Variants in SLC3A2 observed in about 807,000 individuals in gnomAD.
SLC3A2 encodes the protein solute carrier family 3 member 2.
SLC3A2 carries 32 observed loss-of-function variants against 48.5 expected under a neutral mutation model. The observed-to-expected ratio is 0.66, with a 90% CI of 0.50 to 0.89. The LOEUF is 0.89. Among genes scored for constraint, SLC3A2 ranks in the 40% least tolerant of loss-of-function variants. The pLI is 0.00. For synonymous variants in SLC3A2, 277 were observed against 288.8 expected (o/e 0.96, Z 0.41); for missense variants, 587 against 680.7 (o/e 0.86, Z 1.53).
At chr11:62,885,636 G>T in intron 7 of SLC3A2, 28 bp downstream of exon 7, 1 of 1,612,702 alleles carries the variant, frequency 6.2e-7, no homozygotes, top group South Asian at 1.1e-5. Context: ...TCTGTCACAG[G>T]GAGGTTGTTT....
intron 1 of SLC3A2, among the ~76,000 whole-genome samples, chr11:62,869,506 A>G (rs1273084628): frequency 7.6e-6 from 1 of 131,520 alleles, no homozygotes; most frequent in Non-Finnish European, 1.6e-5. Context: ...CCTGGGTGAT[A>G]GAGCGAGACT....
chr11:62,861,816 G>A lies in SLC3A2; in HGVS notation c.112+5435G>A, dbSNP rs537667076. The stretch of plus-strand genomic sequence containing the variant: ...TGTAATTCGAGCTACTCAGGAGGCT[G>A]AGGCAGGAGAGTCGCTTGAGAAAGG... On this transcript the variant is annotated intron_variant, in intron 1 of 9. Transcript: ENST00000377889. 9.9e-5 allele frequency among the ~76,000 whole-genome samples: 15 copies of A among 151,668 alleles called. No homozygotes were observed. The South Asian group carries it at 2.7e-3, about 27-fold the overall frequency.
At chr11:62,864,707 C>G (rs1307822152) in intron 1 of SLC3A2, among the ~76,000 whole-genome samples, 2 of 151,912 alleles carry the variant, frequency 1.3e-5, no homozygotes, top group Non-Finnish European at 2.9e-5. Context: ...ACCTCGTGAT[C>G]CGCCCGCCTC....
rs1282406805 is a variant in SLC3A2 at position 62,885,369 on chromosome 11, G to A, written c.999+12G>A. On this transcript the variant is annotated intron_variant, in intron 6 of 8. Coordinates refer to ENST00000338663, the MANE Select transcript of SLC3A2 (RefSeq NM_001013251.3). ...GGTGCAGCTGGAGTGTGAGTACCAT[G>A]CTGGTGGGAAAGGGGGCAGATGGGA... is the stretch of plus-strand genomic sequence containing the variant. 2 of 1,614,156 alleles carry A rather than the reference G, an allele frequency of 1.2e-6. No individual in the cohort carries two copies. The highest frequency in any genetic ancestry group is 2.2e-5 in the South Asian group (2 of 91,082).
chr11:62,856,168 C>G, exon 1 of SLC3A2: 1 of 915,032 alleles, frequency 1.1e-6, no homozygotes, highest in Non-Finnish European at 1.6e-6. Flanking sequence ...ATCACTGCCT[C>G]ACGGCGATCC....
rs2135010784 is a variant in SLC3A2 at position 62,882,057 on chromosome 11, A to G, written c.589A>G (p.Lys197Glu). 3.1e-6 allele frequency: 5 copies of G among 1,612,074 alleles called. No homozygotes were observed. The highest frequency in any genetic ancestry group is 4.2e-6 in the Non-Finnish European group (5 of 1,178,618). The change falls in exon 2 of 9, where the codon AAA (lysine) becomes GAA (glutamate). Residue 197 changes from lysine (K) to glutamate (E), a missense_variant. Transcript: ENST00000338663. ...EDFDSLLQSA[K>E]KKSIRVILDL... Reference sequence around the variant, plus strand: ...TTTTGACAGTCTCTTGCAATCGGCTAAAAAAAAGAGTGGGTATCCTGGGGT... The same window carrying G: ...TTTTGACAGTCTCTTGCAATCGGCTGAAAAAAAGAGTGGGTATCCTGGGGT...
chr11:62,856,827 CTT>C lies in SLC3A2; in HGVS notation c.112+460_112+461del, dbSNP rs11337244. Among the ~76,000 whole-genome samples, 830 of 125,966 alleles carry C rather than the reference CTT, an allele frequency of 6.6e-3. 4 individuals are homozygous for C. The highest frequency in any genetic ancestry group is 0.011 in the African/African-American group (379 of 34,328). The allele number at this position is 125,966 out of a possible 152,430, so 82.6% of individuals were successfully genotyped here. On this transcript the variant is annotated intron_variant, in intron 1 of 9. Coordinates refer to the SLC3A2 transcript ENST00000377889. ...ACACTTTATAAACATTTTTTTCTTT[CTT>C]TTTTTTTTTTTTTGAGACGGAGTTT... is the stretch of plus-strand genomic sequence containing the variant.
intron 7 of SLC3A2, among the ~76,000 whole-genome samples, chr11:62,887,098 TTC>T (rs1459805767): frequency 6.6e-6 from 1 of 152,098 alleles, no homozygotes; most frequent in African/African-American, 2.4e-5. Context: ...ATAGAATAAT[TTC>T]TGTCTGTTAC....
upstream of SLC3A2, among the ~76,000 whole-genome samples, chr11:62,879,310 T>G (rs926972762): frequency 3.3e-5 from 5 of 152,222 alleles, no homozygotes; most frequent in Non-Finnish European, 7.3e-5. Flanking sequence ...TCTCACTATG[T>G]TGCCCCGTCT....
chr11:62,867,138 G>A (rs907951950), intron 1 of SLC3A2, among the ~76,000 whole-genome samples: 22 of 151,410 alleles, frequency 1.5e-4, no homozygotes, highest in African/African-American at 4.9e-4. Flanking sequence ...TTACAGGCAT[G>A]CGCTACCACG....
In SLC3A2 at chr11:62,882,957, G is replaced by A. The variant is rs555443344; in HGVS notation, c.648G>A (p.Ser216=). Residue 216 remains serine, a synonymous_variant, in exon 3 of 9, where the codon TCG becomes TCA. Transcript: ENST00000338663. ...CTCCCAACTACCGGGGTGAGAACTC[G>A]TGGTTCTCCACTCAGGTTGACACTG... ...DLTPNYRGEN[S]WFSTQVDTVA... is the part of the protein sequence containing the mutation. 68 of 1,614,198 alleles carry A rather than the reference G, an allele frequency of 4.2e-5. No individual in the cohort carries two copies. The highest frequency in any genetic ancestry group is 3.2e-4 in the South Asian group (29 of 91,086).
At chr11:62,866,112 T>C (rs1409633918) in intron 1 of SLC3A2, among the ~76,000 whole-genome samples, 2 of 151,432 alleles carry the variant, frequency 1.3e-5, no homozygotes, top group African/African-American at 4.9e-5. Context: ...GCCCACTTTT[T>C]TCAGCCACTT....
intron 1 of SLC3A2, among the ~76,000 whole-genome samples, chr11:62,865,760 A>G (rs1401002649): frequency 1.3e-5 from 2 of 151,494 alleles, no homozygotes; most frequent in African/African-American, 4.9e-5. Flanking sequence ...TGTATCCACA[A>G]CTCTGTGAAT....
chr11:62,857,127 A>G (rs370384189), intron 1 of SLC3A2, among the ~76,000 whole-genome samples: 4 of 134,216 alleles, frequency 3.0e-5, no homozygotes, highest in Middle Eastern at 6.4e-3. Context: ...CCGGCCAAAC[A>G]TTTTTTTCTT....
chr11:62,884,812 GCTTTTTTTTTT>G, intron 5 of SLC3A2, 122 bp downstream of exon 5: 2 of 98,728 alleles, frequency 2.0e-5, no homozygotes, highest in Non-Finnish European at 3.5e-5. Flanking sequence ...TCTTTCTTTA[GCTTTTTTTTTT>G]TTTTTTTTTT....
chr11:62,885,240 C>T lies in SLC3A2; in HGVS notation c.882C>T (p.Asn294=), dbSNP rs746698042. ...LQQILSLLES[N]KDLLLTSSYL... is the part of the protein sequence containing the mutation. ...AGATCCTGAGCCTACTCGAATCCAA[C>T]AAAGACTTGCTGTTGACTAGCTCAT... Residue 294 remains asparagine (N), a synonymous_variant, in exon 6 of 9, where the codon AAC becomes AAT. Transcript: ENST00000338663. The T allele has an allele frequency of 2.4e-5, 39 of 1,614,100 alleles. No homozygotes were observed. The highest frequency in any genetic ancestry group is 3.2e-5 in the Non-Finnish European group (38 of 1,180,044).
chr11:62,881,553 C>T lies in SLC3A2; in HGVS notation c.424+106C>T. Reference sequence around the variant, plus strand: ...GGATCTAGATGGTTCTTCCCTCCATCCCGTACCGACGACTGTTCCCCCTTC... The same window carrying T: ...GGATCTAGATGGTTCTTCCCTCCATTCCGTACCGACGACTGTTCCCCCTTC... On this transcript the variant is annotated intron_variant, in intron 1 of 8. Transcript: ENST00000338663. The surrounding 1 kb of genome is among the most constrained non-coding windows in gnomAD (Gnocchi z 4.0). 7.0e-7 allele frequency: 1 copy of T among 1,420,472 alleles called. No individual in the cohort carries two copies. Among genetic ancestry groups the T allele is most frequent in the South Asian group, 1.4e-5 (1 of 69,630 alleles). 88.0% of individuals were successfully genotyped at this position (1,420,472 alleles called of 1,614,324 possible). A position where few individuals can be genotyped will look rare whatever the true frequency, so the allele number is the denominator to read the frequency against.
intron 1 of SLC3A2, among the ~76,000 whole-genome samples, chr11:62,870,386 A>C (rs972797638): frequency 4.7e-5 from 7 of 148,976 alleles, no homozygotes; most frequent in African/African-American, 1.5e-4. Flanking sequence ...TTTTTTTACC[A>C]TGTTGGCCAG....
intron 1 of SLC3A2, among the ~76,000 whole-genome samples, chr11:62,861,821 A>G (rs764242249): frequency 1.3e-5 from 2 of 151,028 alleles, no homozygotes; most frequent in Non-Finnish European, 2.9e-5. Flanking sequence ...AGGCTGAGGC[A>G]GGAGAGTCGC....
Sources: allele counts gnomAD v4.1 joint callset (sites outside exome capture counted in the v4.1 genomes callset), GRCh38; gene constraint gnomAD v4.1.1; non-coding constraint Gnocchi (gnomAD v3.1); transcripts MANE v1.5; gene names NCBI Gene and HGNC (gene_info 2026-07-23, HGNC 2026-07-21).